Variants in SH3BGRL observed in about 807,000 individuals in gnomAD.
The protein encoded by SH3BGRL is SH3 domain binding glutamate rich protein like, also known as adapter SH3BGRL.
SH3BGRL carries 7 observed loss-of-function variants against 9.8 expected under a neutral mutation model. The observed-to-expected ratio is 0.72, with a 90% CI of 0.41 to 1.35. The LOEUF is 1.35. Ranked by LOEUF, SH3BGRL falls within the 40% of genes most tolerant of loss-of-function variation. The pLI is 0.01. For synonymous variants in SH3BGRL, 36 were observed against 29.1 expected (o/e 1.24, Z -0.76); for missense variants, 73 against 84.4 (o/e 0.86, Z 0.53).
At chrX:81,226,522 C>CTA (rs1256967504) in intron 1 of SH3BGRL, among the ~76,000 whole-genome samples, 231 of 99,719 alleles carry the variant, frequency 2.3e-3, no homozygotes, top group African/African-American at 7.8e-3. Context: ...ATATATATAT[C>CTA]TATATCTCTC....
At position 81,222,211 on chromosome X, in the gene SH3BGRL, G is replaced by A. The variant is rs896813360; in HGVS notation, c.45+19966G>A. 6.3e-5 allele frequency among the ~76,000 whole-genome samples: 7 copies of A among 110,974 alleles called. No individual in the cohort carries two copies. The East Asian group carries it at 1.1e-3, about 18-fold the overall frequency. On this transcript the variant is annotated intron_variant, in intron 1 of 3. Coordinates refer to ENST00000373212, the MANE Select transcript of SH3BGRL (RefSeq NM_003022.3). ...TTATACTTTAAGTTTTAGGGTACAT[G>A]TGCACAACGTGCAGGTTTGTTACAT...
At chrX:81,227,026 TAACTC>T (rs1244697703) in intron 1 of SH3BGRL, among the ~76,000 whole-genome samples, 3 of 112,463 alleles carry the variant, frequency 2.7e-5, no homozygotes, top group African/African-American at 9.7e-5. Flanking sequence ...GCAGTTCACT[TAACTC>T]TGTCACTGCT....
intron 1 of SH3BGRL, among the ~76,000 whole-genome samples, chrX:81,230,473 C>T (rs1016822551): frequency 2.7e-5 from 3 of 111,753 alleles, no homozygotes; most frequent in African/African-American, 6.5e-5. Context: ...GATGTTTAAA[C>T]TGAGTTCCAA....
intron 3 of SH3BGRL, among the ~76,000 whole-genome samples, chrX:81,294,818 C>A (rs1249797970): frequency 1.8e-5 from 2 of 112,209 alleles, no homozygotes; most frequent in Non-Finnish European, 3.8e-5. Context: ...GCCACAGGGG[C>A]AGAGCTGCCC....
At chrX:81,258,672 C>G (rs1319750169) in intron 1 of SH3BGRL, among the ~76,000 whole-genome samples, 2 of 112,145 alleles carry the variant, frequency 1.8e-5, no homozygotes, top group Non-Finnish European at 3.8e-5. Flanking sequence ...TTAGTCTACC[C>G]TGGAGTTCAA....
chrX:81,295,137 G>A (rs2075870281), intron 3 of SH3BGRL, among the ~76,000 whole-genome samples: 2 of 112,093 alleles, frequency 1.8e-5, no homozygotes, highest in African/African-American at 6.5e-5. Flanking sequence ...GCTGAAATGA[G>A]TTAAGACTTT....
At chrX:81,210,833 G>C (rs1222279317) in intron 1 of SH3BGRL, among the ~76,000 whole-genome samples, 2 of 112,110 alleles carry the variant, frequency 1.8e-5, no homozygotes, top group Non-Finnish European at 3.8e-5. Context: ...GCAATACGTG[G>C]TCTATAGAAA....
At position 81,298,488 on chromosome X, in the gene SH3BGRL, T is replaced by C. The variant is rs2075883168; in HGVS notation, c.*1261T>C. On this transcript the variant is annotated 3_prime_UTR_variant, in exon 4 of 4. Transcript: ENST00000373212. ...CATATAATGAAGAGATGCCTTTGTTTCATGAGATTCAAACTTGATGCTATG... is the reference window on the plus strand; with the variant it reads ...CATATAATGAAGAGATGCCTTTGTTCCATGAGATTCAAACTTGATGCTATG... 9.0e-6 allele frequency: 1 copy of C among 111,605 alleles called. No individual in the cohort carries two copies. The highest frequency in any genetic ancestry group is 1.9e-5 in the Non-Finnish European group (1 of 52,857). The allele number at this position is 111,605 out of a possible 1,213,427, so 9.2% of individuals were successfully genotyped here. A position where few individuals can be genotyped will look rare whatever the true frequency, so the allele number is the denominator to read the frequency against.
intron 1 of SH3BGRL, among the ~76,000 whole-genome samples, chrX:81,267,480 G>A (rs755261483): frequency 1.9e-3 from 207 of 111,639 alleles, no homozygotes; most frequent in African/African-American, 6.4e-3. Context: ...GCTTCTTGTC[G>A]TTGGTTCTGT....
At chrX:81,295,317 T>G (rs2075870886) in intron 3 of SH3BGRL, among the ~76,000 whole-genome samples, 1 of 111,753 alleles carries the variant, frequency 8.9e-6, no homozygotes, top group African/African-American at 3.3e-5. Context: ...GGAGATAATT[T>G]GAATCATGAA....
chrX:81,229,553 G>A (rs1258177411), intron 1 of SH3BGRL, among the ~76,000 whole-genome samples: 1 of 111,445 alleles, frequency 9.0e-6, no homozygotes, highest in African/African-American at 3.3e-5. Context: ...GGGAGATGGA[G>A]TGGGAAGGTG....
chrX:81,292,753 G>C (rs954591824), intron 3 of SH3BGRL, among the ~76,000 whole-genome samples: 2 of 111,649 alleles, frequency 1.8e-5, no homozygotes, highest in Admixed American at 1.9e-4. Flanking sequence ...TATGCTGTTA[G>C]AAGCAGCCAG....
chrX:81,223,580 G>C (rs942624327), intron 1 of SH3BGRL, among the ~76,000 whole-genome samples: 11 of 110,948 alleles, frequency 9.9e-5, no homozygotes, highest in Non-Finnish European at 1.9e-4. Flanking sequence ...TTTTTAGGAA[G>C]CTTTCTGTGT....
rs141467968 is a variant in SH3BGRL, at chrX:81,275,389, G to A, written c.46-1595G>A. On this transcript the variant is annotated intron_variant, in intron 1 of 3. Transcript: ENST00000373212. ...GCTGGGATTACAGATGAGAGCCACC[G>A]TGCCCAGCCTTGAAAGTACAGTCTT... Among the ~76,000 whole-genome samples, 841 of 111,277 alleles carry A rather than the reference G, an allele frequency of 7.6e-3. 4 individuals carry two copies. Among genetic ancestry groups the A allele is most frequent in the Non-Finnish European group, 0.012 (659 of 53,081 alleles).
At chrX:81,244,255 G>T (rs1321013660) in intron 1 of SH3BGRL, among the ~76,000 whole-genome samples, 1 of 111,341 alleles carries the variant, frequency 9.0e-6, no homozygotes, top group Admixed American at 9.5e-5. Flanking sequence ...TTACAAGACT[G>T]GACAGATTAT....
intron 1 of SH3BGRL, among the ~76,000 whole-genome samples, chrX:81,214,042 A>G (rs897193125): frequency 7.1e-5 from 8 of 112,579 alleles, no homozygotes; most frequent in Middle Eastern, 4.6e-3. Context: ...CTGAATGTTC[A>G]CATTTCGGAG....
rs2075880964 is a variant in SH3BGRL, at chrX:81,297,878, C to A, written c.*651C>A. 8.9e-6 allele frequency: 1 copy of A among 111,759 alleles called. No homozygotes were observed. The highest frequency in any genetic ancestry group is 3.7e-4 in the South Asian group (1 of 2,683). The allele number at this position is 111,759 out of a possible 1,213,427, so 9.2% of individuals were successfully genotyped here. On this transcript the variant is annotated 3_prime_UTR_variant, in exon 4 of 4. Transcript: ENST00000373212. ...TTTACACGCACAAAAGCAATAGATT[C>A]ATTCAGTGGACAAGTTCCTTGTTTA...
chrX:81,289,629 G>A (rs757549132), intron 3 of SH3BGRL, among the ~76,000 whole-genome samples: 1 of 111,096 alleles, frequency 9.0e-6, no homozygotes, highest in Non-Finnish European at 1.9e-5. Flanking sequence ...AGACTAAGAC[G>A]GGCAGATCAC....
intron 3 of SH3BGRL, among the ~76,000 whole-genome samples, chrX:81,295,367 T>G (rs1447260675): frequency 1.8e-5 from 2 of 111,445 alleles, no homozygotes; most frequent in African/African-American, 6.5e-5. Flanking sequence ...AGTGAATAAA[T>G]CTCACCAGAT....
Sources: gnomAD v4.1 joint callset for allele counts (sites outside exome capture counted in the v4.1 genomes callset) on GRCh38, gnomAD v4.1.1 for gene constraint, MANE v1.5 for transcripts, NCBI Gene and HGNC (gene_info 2026-07-23, HGNC 2026-07-21) for gene names.